The following ANKRD1 variants were observed in gnomAD, a reference collection of about 807,000 sequenced individuals.
The protein encoded by ANKRD1 is ankyrin repeat domain 1.
A neutral mutation model predicts 40.1 loss-of-function variants in ANKRD1; 32 were observed. That is an observed-to-expected ratio of 0.80 (90% confidence interval 0.60 to 1.07). The LOEUF (loss-of-function observed/expected upper bound fraction) is 1.07. Ranked by LOEUF, ANKRD1 falls within the 50% of genes least tolerant of loss-of-function variation. The probability of loss-of-function intolerance (pLI) is 0.00; values close to 1 mark genes in which losing one functional copy is unlikely to be tolerated. For missense variants in ANKRD1, 359 were observed against 386.0 expected, an observed-to-expected ratio of 0.93 and a Z score of 0.59; for synonymous variants, 149 against 141.2, an observed-to-expected ratio of 1.06 and a Z score of -0.39.
chr10:90,915,955 AG>A, intron 6 of ANKRD1, 75 bp from the exon 7 acceptor site: 2 of 1,445,030 alleles, frequency 1.4e-6, no homozygotes, highest in Non-Finnish European at 9.5e-7. Context: ...GACATGTGCG[AG>A]GGGGAGAAGT....
At position 90,912,765 on chromosome 10, in the gene ANKRD1, T is replaced by C. The variant is rs538803805; in HGVS notation, c.*101A>G. On this transcript the variant is annotated 3_prime_UTR_variant, in exon 9 of 9. Coordinates refer to ENST00000371697, the MANE Select transcript of ANKRD1 (RefSeq NM_014391.3). ...TCATTAGGTACATCTTCACAACACG[T>C]TGATAAATAGAAACTAGATTTTATG... 8.9e-6 allele frequency: 10 copies of C among 1,122,282 alleles called. No individual in the cohort carries two copies. The East Asian group carries it at 1.9e-4, about 21-fold the overall frequency. 69.5% of individuals were successfully genotyped at this position (1,122,282 alleles called of 1,614,324 possible). A position where few individuals can be genotyped will look rare whatever the true frequency, so the allele number is the denominator to read the frequency against.
chr10:90,919,317 G>C, intron 2 of ANKRD1, 49 bp from the exon 3 acceptor site: 3 of 1,532,764 alleles, frequency 2.0e-6, no homozygotes, highest in Non-Finnish European at 2.7e-6. Context: ...CTACTGACAA[G>C]CATTCTGGTT....
chr10:90,912,944 G>T lies in ANKRD1; in HGVS notation c.882C>A (p.His294Gln), dbSNP rs1339985275. 6.2e-7 allele frequency: 1 copy of T among 1,614,098 alleles called. No homozygotes were observed. The highest frequency in any genetic ancestry group is 8.5e-7 in the Non-Finnish European group (1 of 1,179,952). ...ATATTGCTTTGGTTCCATTCTGCCAGTGTAGCACCAGATCCATCGGCGTCT... is the reference window on the plus strand; with the variant it reads ...ATATTGCTTTGGTTCCATTCTGCCATTGTAGCACCAGATCCATCGGCGTCT... ...AGKTPMDLVL[H>Q]WQNGTKAIFD... Residue 294 changes from histidine (H) to glutamine (Q), a missense_variant, in exon 9 of 9, where the codon CAC becomes CAA. By Grantham distance (24) the His-to-Gln change is conservative (BLOSUM62 0). Coordinates refer to ENST00000371697, the MANE Select transcript of ANKRD1 (RefSeq NM_014391.3).
Position 90,912,446 on chromosome 10 carries a change from C to G in ANKRD1, c.*420G>C, listed in dbSNP as rs1421113883. 5.5e-6 allele frequency: 1 copy of G among 180,956 alleles called. No homozygotes were observed. Among genetic ancestry groups the G allele is most frequent in the Non-Finnish European group, 1.2e-5 (1 of 84,868 alleles). The allele number at this position is 180,956 out of a possible 1,614,324, so 11.2% of individuals were successfully genotyped here. On this transcript the variant is annotated 3_prime_UTR_variant, in exon 9 of 9. Transcript: ENST00000371697. ...CATTCAAACTTCTGCATTAAAAATT[C>G]AGGAGAAAAGAGGGCTGTGATAATC...
At chr10:90,915,436 C>G (rs1302578094) in intron 8 of ANKRD1, 107 bp downstream of exon 8, 5 of 967,938 alleles carry the variant, frequency 5.2e-6, no homozygotes, top group South Asian at 1.4e-5. Flanking sequence ...TTTAGACCAT[C>G]GAAGACCCCT....
chr10:90,914,732 C>CA, intron 8 of ANKRD1, among the ~76,000 whole-genome samples: 1 of 88,858 alleles, frequency 1.1e-5, no homozygotes, highest in South Asian at 4.2e-4. Flanking sequence ...CCCCCCCCCC[C>CA]ACTCTTTTTT....
chr10:90,920,980 A>C, intron 1 of ANKRD1, 21 bp downstream of exon 1: 1 of 1,611,402 alleles, frequency 6.2e-7, no homozygotes, highest in Non-Finnish European at 8.5e-7. Context: ...TCATTTTATA[A>C]AATTAATGCA....
intron 4 of ANKRD1, 73 bp downstream of exon 4, chr10:90,918,792 G>T: frequency 8.0e-7 from 1 of 1,249,742 alleles, no homozygotes; most frequent in Non-Finnish European, 1.2e-6. Flanking sequence ...CACTATATTA[G>T]CAAGACTGGA....
At chr10:90,915,156 G>A (rs1251758976) in intron 8 of ANKRD1, among the ~76,000 whole-genome samples, 2 of 152,176 alleles carry the variant, frequency 1.3e-5, no homozygotes, top group Non-Finnish European at 1.5e-5. Context: ...GGAATTTTAG[G>A]ACATTTTGGA....
rs779910001 is a variant in ANKRD1, at chr10:90,921,000, C to A, written c.27+1G>T. On this transcript the variant is annotated splice_donor_variant, in intron 1 of 8. Coordinates refer to ENST00000371697, the MANE Select transcript of ANKRD1 (RefSeq NM_014391.3). LOFTEE classifies it high-confidence loss of function. ...TTATAAAATTAATGCATCTTACATACCAGTTCCTCTACTTTCAGTACCATC... is the reference window on the plus strand; with the variant it reads ...TTATAAAATTAATGCATCTTACATAACAGTTCCTCTACTTTCAGTACCATC... 14 of 1,613,518 alleles carry A rather than the reference C, an allele frequency of 8.7e-6. No homozygotes were observed. The African/African-American group carries it at 1.7e-4, about 20-fold the overall frequency.
chr10:90,918,323 T>C (rs564177527), intron 4 of ANKRD1, among the ~76,000 whole-genome samples: 2 of 152,284 alleles, frequency 1.3e-5, no homozygotes, highest in East Asian at 1.9e-4. Flanking sequence ...TTCTGATAAA[T>C]TGGCTTTATT....
Position 90,915,645 on chromosome 10 carries a change from G to T in ANKRD1, c.751-4C>A, listed in dbSNP as rs780419708. Reference sequence around the variant, plus strand: ...CATGCAACGGGGTATCTCCTTCCTAGAGAAGCAGAGTCAACAGGTTCAAGG... The same window carrying T: ...CATGCAACGGGGTATCTCCTTCCTATAGAAGCAGAGTCAACAGGTTCAAGG... On this transcript the variant is annotated splice_polypyrimidine_tract_variant and splice_region_variant and intron_variant, in intron 7 of 8. Coordinates refer to ENST00000371697, the MANE Select transcript of ANKRD1 (RefSeq NM_014391.3). The T allele has an allele frequency of 1.1e-5, 17 of 1,613,158 alleles. No homozygotes were observed. In the East Asian group the frequency reaches 3.8e-4, roughly 36 times the overall value.
At chr10:90,914,834 T>C (rs1051230418) in intron 8 of ANKRD1, among the ~76,000 whole-genome samples, 12 of 151,820 alleles carry the variant, frequency 7.9e-5, no homozygotes, top group African/African-American at 2.9e-4. Context: ...TTATATTAGA[T>C]GGTGTTTGTC....
chr10:90,917,495 C>G (rs138405737), intron 5 of ANKRD1, among the ~76,000 whole-genome samples: 5 of 152,330 alleles, frequency 3.3e-5, no homozygotes, highest in African/African-American at 1.2e-4. Flanking sequence ...TTCAGTTTAA[C>G]AGCTTTCACT....
rs751174664 is a variant in ANKRD1 at position 90,912,930 on chromosome 10, G to T, written c.896C>A (p.Thr299Asn). The T allele has an allele frequency of 7.4e-6, 12 of 1,614,042 alleles. No individual in the cohort carries two copies. In the South Asian group the frequency reaches 1.2e-4, roughly 16 times the overall value. Residue 299 changes from threonine (T) to asparagine (N), a missense_variant, in exon 9 of 9, where the codon ACC becomes AAC. Thr to Asn is a moderately conservative substitution (Grantham distance 65). Transcript: ENST00000371697. ...MDLVLHWQNGTKAIFDSLREN... is the reference protein window; with the variant it reads ...MDLVLHWQNGNKAIFDSLREN... ...TCTGAGGCTGTCGAATATTGCTTTG[G>T]TTCCATTCTGCCAGTGTAGCACCAG...
intron 8 of ANKRD1, among the ~76,000 whole-genome samples, chr10:90,915,004 G>GA (rs949349386): frequency 3.0e-4 from 45 of 151,950 alleles, no homozygotes; most frequent in African/African-American, 8.9e-4. Flanking sequence ...GAAATTATCT[G>GA]AAAAAAAATA....
At chr10:90,917,216 T>C (rs1396641083) in intron 5 of ANKRD1, among the ~76,000 whole-genome samples, 1 of 152,250 alleles carries the variant, frequency 6.6e-6, no homozygotes, top group East Asian at 1.9e-4. Flanking sequence ...TTATGCTGCA[T>C]ACTGGTCTTC....
At chr10:90,917,932 T>C (rs1385951674) in intron 4 of ANKRD1, 102 bp from the exon 5 acceptor site, 6 of 913,996 alleles carry the variant, frequency 6.6e-6, no homozygotes, top group Middle Eastern at 2.2e-4. Context: ...ACCTAACTGA[T>C]AGAAACTCAA....
intron 2 of ANKRD1, 123 bp downstream of exon 2, chr10:90,920,046 G>A: frequency 7.1e-7 from 1 of 1,402,304 alleles, no homozygotes; most frequent in South Asian, 1.2e-5. Context: ...CTCTTTACGG[G>A]TTAGAATCTG....
Sources: gnomAD v4.1 joint callset for allele counts (sites outside exome capture counted in the v4.1 genomes callset) on GRCh38, gnomAD v4.1.1 for gene constraint, MANE v1.5 for transcripts, NCBI Gene and HGNC (gene_info 2026-07-23, HGNC 2026-07-21) for gene names.